Variants in SEMA6D observed in about 807,000 individuals in gnomAD.
The protein encoded by SEMA6D is semaphorin 6D, also known as semaphorin-6D.
A neutral mutation model predicts 106.6 loss-of-function variants in SEMA6D; 35 were observed. The ratio of observed to expected loss-of-function variants is 0.33; its 90% confidence interval spans 0.25 to 0.44. The LOEUF (loss-of-function observed/expected upper bound fraction) is 0.44. SEMA6D is among the 20% of genes least tolerant of loss of function. The pLI is 1.00. For synonymous variants in SEMA6D, 499 were observed against 487.7 expected (o/e 1.02, Z -0.31); for missense variants, 1,185 against 1,345.9 (o/e 0.88, Z 1.87).
At chr15:47,459,179 T>C (rs1361828742) in intron 2 of SEMA6D, among the ~76,000 whole-genome samples, 2 of 152,094 alleles carry the variant, frequency 1.3e-5, no homozygotes, top group East Asian at 3.9e-4. Flanking sequence ...GTAGGCTTGA[T>C]GAATTGAGTG....
intron 1 of SEMA6D, among the ~76,000 whole-genome samples, chr15:47,737,737 T>G (rs1367824147): frequency 1.3e-5 from 2 of 152,218 alleles, no homozygotes; most frequent in Non-Finnish European, 2.9e-5. Flanking sequence ...AAGTTTCGTT[T>G]TTTTCCTTCC....
At chr15:47,376,563 C>G (rs973523054) in intron 1 of SEMA6D, among the ~76,000 whole-genome samples, 2 of 152,170 alleles carry the variant, frequency 1.3e-5, no homozygotes, top group African/African-American at 4.8e-5. Flanking sequence ...TGTGAGAAAA[C>G]CAAAATGCTA....
At chr15:47,348,721 C>G (rs1374695140) in intron 1 of SEMA6D, among the ~76,000 whole-genome samples, 3,471 of 23,844 alleles carry the variant, frequency 0.15, 83 homozygotes, top group South Asian at 0.3. Flanking sequence ...ACACACACCA[C>G]ACACACAGAG....
At chr15:47,535,079 A>C (rs1596264103) in intron 3 of SEMA6D, among the ~76,000 whole-genome samples, 1 of 151,654 alleles carries the variant, frequency 6.6e-6, no homozygotes, top group Non-Finnish European at 1.5e-5. Context: ...CAAAAAAAAA[A>C]AAAACACAAA....
At chr15:47,522,643 G>A (rs2044624805) in intron 3 of SEMA6D, among the ~76,000 whole-genome samples, 1 of 152,162 alleles carries the variant, frequency 6.6e-6, no homozygotes, top group South Asian at 2.1e-4. Flanking sequence ...AAGTGTTGAT[G>A]GAGTCCGCCC....
chr15:47,355,067 T>C (rs1475750433), intron 1 of SEMA6D, among the ~76,000 whole-genome samples: 1 of 152,196 alleles, frequency 6.6e-6, no homozygotes, highest in African/African-American at 2.4e-5. Flanking sequence ...CACCAAACTC[T>C]AAATTGTGTA....
chr15:47,385,987 C>A (rs1401240663), intron 1 of SEMA6D, among the ~76,000 whole-genome samples: 1 of 152,190 alleles, frequency 6.6e-6, no homozygotes, highest in Non-Finnish European at 1.5e-5. Context: ...TTTCTCTGGG[C>A]TTTAATTTTC....
intron 1 of SEMA6D, among the ~76,000 whole-genome samples, chr15:47,184,766 C>A (rs1310436001): frequency 6.6e-6 from 1 of 152,250 alleles, no homozygotes; most frequent in Non-Finnish European, 1.5e-5. Flanking sequence ...ACCCCAAATC[C>A]TCCGGGATTT....
chr15:47,761,619 G>T (rs760596737), intron 6 of SEMA6D, 42 bp from the exon 7 acceptor site: 1 of 1,473,544 alleles, frequency 6.8e-7, no homozygotes, highest in East Asian at 2.3e-5. Context: ...AAACGGGCAC[G>T]TTGAATAGAT....
chr15:47,738,142 C>A (rs1186234094), intron 1 of SEMA6D, among the ~76,000 whole-genome samples: 1 of 152,018 alleles, frequency 6.6e-6, no homozygotes, highest in East Asian at 1.9e-4. Context: ...CCTCTAAGTT[C>A]CCTCCCCTCA....
chr15:47,765,872 C>A lies in SEMA6D; in HGVS notation c.1431C>A (p.Cys477Ter). 6.6e-7 allele frequency: 1 copy of A among 1,507,830 alleles called. No individual in the cohort carries two copies. 93.4% of individuals were successfully genotyped at this position (1,507,830 alleles called of 1,614,324 possible). A position where few individuals can be genotyped will look rare whatever the true frequency, so the allele number is the denominator to read the frequency against. Reference sequence around the variant, plus strand: ...CAAAATGTATCCCACAAAATAGGTGCAGTGCTGAGAATGAGGAAGACAAAA... The same window carrying A: ...CAAAATGTATCCCACAAAATAGGTGAAGTGCTGAGAATGAGGAAGACAAAA... The part of the protein sequence containing the change: ...EEIEAYNHAK[C>*]SAENEEDKKV... The change falls in exon 14 of 19, where the codon TGC (cysteine) becomes TGA (stop). Residue 477 changes from cysteine to a stop codon, truncating the protein, a stop_gained. Coordinates refer to ENST00000536845, the MANE Select transcript of SEMA6D (RefSeq NM_001358351.3). LOFTEE classifies it high-confidence loss of function.
intron 1 of SEMA6D, among the ~76,000 whole-genome samples, chr15:47,347,074 A>G (rs1256815004): frequency 6.6e-6 from 1 of 152,046 alleles, no homozygotes; most frequent in African/African-American, 2.4e-5. Flanking sequence ...ATGTCTAGAT[A>G]ATTTTTGTAT....
At chr15:47,610,123 G>A (rs999135111) in intron 4 of SEMA6D, among the ~76,000 whole-genome samples, 9 of 152,216 alleles carry the variant, frequency 5.9e-5, no homozygotes, top group Admixed American at 5.9e-4. Flanking sequence ...CTCTCAGTGA[G>A]TTAGACAGTT....
chr15:47,656,953 A>C (rs1020678092), intron 4 of SEMA6D, among the ~76,000 whole-genome samples: 17 of 152,216 alleles, frequency 1.1e-4, no homozygotes, highest in Non-Finnish European at 2.2e-4. Flanking sequence ...GCTACATACT[A>C]TTAAGAGGCA....
chr15:47,238,732 C>T (rs896590388), intron 1 of SEMA6D, among the ~76,000 whole-genome samples: 1 of 152,112 alleles, frequency 6.6e-6, no homozygotes, highest in African/African-American at 2.4e-5. Context: ...AGTTTGCTGG[C>T]AGCTATGCTT....
chr15:47,370,781 G>A (rs902873038), intron 1 of SEMA6D, among the ~76,000 whole-genome samples: 1 of 150,810 alleles, frequency 6.6e-6, no homozygotes, highest in Admixed American at 6.6e-5. Flanking sequence ...CAGGAGAATC[G>A]TTTGACTCCC....
intron 4 of SEMA6D, among the ~76,000 whole-genome samples, chr15:47,617,902 A>G (rs2077035495): frequency 6.6e-6 from 1 of 152,226 alleles, no homozygotes; most frequent in Non-Finnish European, 1.5e-5. Flanking sequence ...CATTTCCTCC[A>G]ACTGATATTT....
intron 1 of SEMA6D, chr15:47,395,597 C>T (rs931496979): frequency 6.6e-6 from 1 of 152,188 alleles, no homozygotes; most frequent in Non-Finnish European, 1.5e-5. Flanking sequence ...CAAGAGAGGA[C>T]CTGTCCAGCA....
intron 1 of SEMA6D, among the ~76,000 whole-genome samples, chr15:47,300,870 T>C (rs1209673767): frequency 6.6e-6 from 1 of 152,218 alleles, no homozygotes; most frequent in Non-Finnish European, 1.5e-5. Context: ...GCATCTTAAA[T>C]ATGGTATTGT....
Sources: gnomAD v4.1 joint callset for allele counts (sites outside exome capture counted in the v4.1 genomes callset) on GRCh38, gnomAD v4.1.1 for gene constraint, MANE v1.5 for transcripts, NCBI Gene and HGNC (gene_info 2026-07-23, HGNC 2026-07-21) for gene names.